HYDIN: variants seen among roughly 807,000 people sequenced by gnomAD.
The protein encoded by HYDIN is HYDIN axonemal central pair apparatus protein.
A neutral mutation model predicts 403.9 loss-of-function variants in HYDIN; 132 were observed. The ratio of observed to expected loss-of-function variants is 0.33; its 90% CI spans 0.28 to 0.38. The LOEUF is 0.38. HYDIN is among the 10% of genes least tolerant of loss of function. The pLI, the probability that HYDIN is intolerant of heterozygous loss-of-function variation, is 1.00. For synonymous variants in HYDIN, 1,202 were observed against 1,891.7 expected (o/e 0.64, Z 9.46); for missense variants, 2,827 against 5,009.5 (o/e 0.56, Z 13.15).
rs377451026 is a variant in HYDIN, at chr16:71,043,272, T to C, written c.2530-11355A>G. On this transcript the variant is annotated intron_variant, in intron 18 of 85. Coordinates refer to ENST00000393567, the MANE Select transcript of HYDIN (RefSeq NM_001270974.2). Reference sequence around the variant, plus strand: ...AACTTAGTTATGGTGTGCCTCGACATGGGCCTGTTTCCATCCACCGTGCAG... The same window carrying C: ...AACTTAGTTATGGTGTGCCTCGACACGGGCCTGTTTCCATCCACCGTGCAG... Among the ~76,000 whole-genome samples, 37 of 149,758 alleles carry C rather than the reference T, an allele frequency of 2.5e-4. 1 individual carries two copies. The highest frequency in any genetic ancestry group is 8.3e-4 in the African/African-American group (34 of 40,954).
At chr16:70,957,574 C>T (rs2078284131) in intron 39 of HYDIN, among the ~76,000 whole-genome samples, 1 of 151,918 alleles carries the variant, frequency 6.6e-6, no homozygotes, top group South Asian at 2.1e-4. Flanking sequence ...ATCTACCCAC[C>T]TCAGCCTCCC....
chr16:70,845,738 A>G (rs1567695544), intron 75 of HYDIN, among the ~76,000 whole-genome samples: 1 of 138,270 alleles, frequency 7.2e-6, no homozygotes, highest in Non-Finnish European at 1.5e-5. Context: ...TGGTCTATTC[A>G]GAGATTCAAC....
At chr16:71,089,681 G>C (rs1430546111) in intron 11 of HYDIN, among the ~76,000 whole-genome samples, 1 of 152,002 alleles carries the variant, frequency 6.6e-6, no homozygotes, top group African/African-American at 2.4e-5. Context: ...AATTCTAGTG[G>C]GGCATGACTG....
rs4985373 is a variant in HYDIN, at chr16:70,964,659, A to C, written c.5788+69T>G. The C allele has an allele frequency of 0.019, 25,420 of 1,322,880 alleles. 3,038 individuals carry two copies. In the Admixed American group the frequency reaches 0.29, roughly 15 times the overall value. 81.9% of individuals were successfully genotyped at this position (1,322,880 alleles called of 1,614,324 possible). ...AGGTACTCAGAAACAGGTTGGTCCC[A>C]GAGCAGGGGTAATTCAGAGGGGCAA... On this transcript the variant is annotated intron_variant, in intron 37 of 85. Transcript: ENST00000393567.
chr16:70,850,409 G>T (rs1359109262), intron 74 of HYDIN, 39 bp downstream of exon 74: 1 of 933,342 alleles, frequency 1.1e-6, no homozygotes, highest in Non-Finnish European at 1.6e-6. Flanking sequence ...AGTCAGAATG[G>T]AAGCTGAGAT....
chr16:71,042,247 C>T lies in HYDIN; in HGVS notation c.2530-10330G>A, dbSNP rs373565179. On this transcript the variant is annotated intron_variant, in intron 18 of 85. Coordinates refer to ENST00000393567, the MANE Select transcript of HYDIN (RefSeq NM_001270974.2). ...AGTTATATTGTAAAAAGCAGCAGCC[C>T]TTGGAATCCACTCTCCCATTTTTCC... Among the ~76,000 whole-genome samples the T allele has an allele frequency of 1.1e-4, 17 of 152,278 alleles. 1 individual carries two copies. Among genetic ancestry groups the T allele is most frequent in the African/African-American group, 3.6e-4 (15 of 41,552 alleles).
At chr16:71,116,214 T>C (rs2084020681) in intron 9 of HYDIN, among the ~76,000 whole-genome samples, 1 of 150,194 alleles carries the variant, frequency 6.7e-6, no homozygotes, top group African/African-American at 2.5e-5. Context: ...TACCAAACTG[T>C]TTCTATGAGT....
At chr16:71,114,064 T>G (rs2083927602) in intron 10 of HYDIN, 1 of 150,996 alleles carries the variant, frequency 6.6e-6, no homozygotes, top group Non-Finnish European at 1.5e-5. Context: ...TCTGAGAGGT[T>G]GATTTGCTGT....
chr16:71,047,959 T>C, intron 18 of HYDIN, among the ~76,000 whole-genome samples: 1 of 151,352 alleles, frequency 6.6e-6, no homozygotes, highest in African/African-American at 2.4e-5. Flanking sequence ...GTTGTAATTT[T>C]GTATCTGTTA....
At chr16:71,077,778 C>G (rs566029600) in intron 13 of HYDIN, among the ~76,000 whole-genome samples, 71 of 151,566 alleles carry the variant, frequency 4.7e-4, no homozygotes, top group Non-Finnish European at 1.5e-4. Flanking sequence ...ACTAAATATA[C>G]ATTACTAAAT....
chr16:71,085,733 T>C (rs1278932068), intron 12 of HYDIN, among the ~76,000 whole-genome samples: 1 of 152,226 alleles, frequency 6.6e-6, no homozygotes, highest in Non-Finnish European at 1.5e-5. Context: ...TAACAATTTT[T>C]ATTTTAAAGT....
At position 70,833,954 on chromosome 16, in the gene HYDIN, G is replaced by A. The variant is rs2037190804; in HGVS notation, c.13612C>T (p.Pro4538Ser). Residue 4538 changes from proline (P) to serine (S), a missense_variant, in exon 79 of 86, where the codon CCC (proline) becomes TCC (serine). Physicochemically the swap from Pro to Ser is moderately conservative, Grantham distance 74. Transcript: ENST00000393567. Reference sequence around the variant, plus strand: ...GTGGCTTGCGTCTGATACACCACGGGTCCAAAGGGAATATGTTCCTGGTCC... The same window carrying A: ...GTGGCTTGCGTCTGATACACCACGGATCCAAAGGGAATATGTTCCTGGTCC... The part of the protein sequence containing the change: ...SLDQEHIPFG[P>S]VVYQTQATRR... 4 of 1,613,316 alleles carry A rather than the reference G, an allele frequency of 2.5e-6. No homozygotes were observed. The highest frequency in any genetic ancestry group is 2.2e-5 in the East Asian group (1 of 44,834).
At chr16:71,175,163 C>G (rs1399657726) in intron 5 of HYDIN, among the ~76,000 whole-genome samples, 1 of 151,654 alleles carries the variant, frequency 6.6e-6, no homozygotes. Context: ...AACAATACCA[C>G]CACCATCTAC....
In HYDIN at chr16:71,082,709, G is replaced by A. The variant is rs951517928; in HGVS notation, c.1671-2757C>T. 1.5e-4 allele frequency among the ~76,000 whole-genome samples: 19 copies of A among 126,032 alleles called. No individual in the cohort carries two copies. In the Admixed American group the frequency reaches 1.6e-3, roughly 11 times the overall value. 82.7% of individuals were successfully genotyped at this position (126,032 alleles called of 152,430 possible). A position where few individuals can be genotyped will look rare whatever the true frequency, so the allele number is the denominator to read the frequency against. On this transcript the variant is annotated intron_variant, in intron 12 of 85. Coordinates refer to ENST00000393567, the MANE Select transcript of HYDIN (RefSeq NM_001270974.2). ...ACCCAAGTACACCTTAACCTATTTAGACATTGCAAGTGACATGCACGACTA... is the reference window on the plus strand; with the variant it reads ...ACCCAAGTACACCTTAACCTATTTAAACATTGCAAGTGACATGCACGACTA...
At chr16:70,809,174 C>T (rs1465013633) in intron 85 of HYDIN, among the ~76,000 whole-genome samples, 1 of 152,198 alleles carries the variant, frequency 6.6e-6, no homozygotes, top group Admixed American at 6.5e-5. Context: ...CTGAGCCTCC[C>T]AAAGTGCTAG....
At chr16:71,037,855 A>G (rs1317618510) in intron 18 of HYDIN, among the ~76,000 whole-genome samples, 1 of 152,230 alleles carries the variant, frequency 6.6e-6, no homozygotes, top group Non-Finnish European at 1.5e-5. Flanking sequence ...TAAGGAGAGA[A>G]TCCAGCCTGA....
At chr16:71,213,396 A>G (rs926113398) in intron 1 of HYDIN, among the ~76,000 whole-genome samples, 12 of 152,116 alleles carry the variant, frequency 7.9e-5, no homozygotes, top group African/African-American at 2.9e-4. Context: ...TTAAGTCAGG[A>G]GGTGGGTACA....
At chr16:70,938,898 G>A (rs988875445) in intron 43 of HYDIN, 143 bp from the exon 44 acceptor site, 2 of 631,916 alleles carry the variant, frequency 3.2e-6, no homozygotes, top group East Asian at 2.7e-5. Context: ...GGGTGGGGGG[G>A]TCCCTTCATC....
chr16:71,201,209 CAGG>C lies in HYDIN; in HGVS notation c.-23-14294_-23-14292del, dbSNP rs570172125. Among the ~76,000 whole-genome samples, 26 of 152,300 alleles carry C rather than the reference CAGG, an allele frequency of 1.7e-4. No individual in the cohort carries two copies. The South Asian group carries it at 5.4e-3, about 32-fold the overall frequency. Reference sequence around the variant, plus strand: ...TCCTTCCCTACCAGAGAGCAAGCTTCAGGAGGTCAGAGATCTCAACCAGCTTGT... The same window carrying C: ...TCCTTCCCTACCAGAGAGCAAGCTTCAGGTCAGAGATCTCAACCAGCTTGT... On this transcript the variant is annotated intron_variant, in intron 1 of 85. Transcript: ENST00000393567.
Sources: allele counts gnomAD v4.1 joint callset (sites outside exome capture counted in the v4.1 genomes callset), GRCh38; gene constraint gnomAD v4.1.1; transcripts MANE v1.5; gene names NCBI Gene and HGNC (gene_info 2026-07-23, HGNC 2026-07-21).